The following NTM variants were observed in gnomAD, a reference collection of about 807,000 sequenced individuals.
The protein encoded by NTM is IgLON family member 2.
A neutral mutation model predicts 42.1 loss-of-function variants in NTM; 13 were observed. That is an observed-to-expected ratio of 0.31 (90% CI 0.20 to 0.49). The LOEUF (loss-of-function observed/expected upper bound fraction) is 0.49. NTM is among the 20% of genes least tolerant of loss of function. The pLI, the probability that NTM is intolerant of heterozygous loss-of-function variation, is 0.99. For missense variants in NTM, 373 were observed against 452.8 expected, an observed-to-expected ratio of 0.82 and a Z score of 1.60; for synonymous variants, 187 against 179.2, an observed-to-expected ratio of 1.04 and a Z score of -0.35.
intron 2 of NTM, among the ~76,000 whole-genome samples, chr11:132,040,599 C>T (rs1453848716): frequency 1.3e-5 from 2 of 152,222 alleles, no homozygotes; most frequent in African/African-American, 4.8e-5. Context: ...CCAGGTCCCC[C>T]TGTGATCCTT....
intron 4 of NTM, among the ~76,000 whole-genome samples, chr11:132,288,539 G>A (rs2094335809): frequency 6.6e-6 from 1 of 152,192 alleles, no homozygotes; most frequent in Non-Finnish European, 1.5e-5. Context: ...ATACACAATA[G>A]TTTCACCCCA....
intron 2 of NTM, among the ~76,000 whole-genome samples, chr11:132,044,013 TGTATATA>T (rs2077562507): frequency 6.6e-6 from 1 of 151,490 alleles, no homozygotes; most frequent in African/African-American, 2.4e-5. Context: ...TGTATGTGTG[TGTATATA>T]TGTGTGTATG....
intron 1 of NTM, among the ~76,000 whole-genome samples, chr11:131,695,523 C>T (rs1030559007): frequency 2.0e-5 from 3 of 152,190 alleles, no homozygotes; most frequent in African/African-American, 2.4e-5. Context: ...ATGAGGTTGT[C>T]GGGTTTTGAT....
intron 1 of NTM, chr11:131,605,859 T>C: frequency 1.0e-6 from 1 of 984,004 alleles, no homozygotes; most frequent in Non-Finnish European, 1.2e-6. Context: ...TTGGACTATC[T>C]CACCTGAGGC....
chr11:131,974,356 T>C (rs1016060433), intron 2 of NTM, among the ~76,000 whole-genome samples: 8 of 152,240 alleles, frequency 5.3e-5, no homozygotes, highest in South Asian at 4.1e-4. Flanking sequence ...CCAAAATGCA[T>C]TTAGGCTAGC....
chr11:131,995,652 A>G (rs539170465), intron 2 of NTM, among the ~76,000 whole-genome samples: 1 of 152,230 alleles, frequency 6.6e-6, no homozygotes, highest in East Asian at 1.9e-4. Context: ...TGGCTTGGGC[A>G]TGTTACTGAA....
At chr11:131,464,326 C>G (rs1951684429) in intron 1 of NTM, among the ~76,000 whole-genome samples, 1 of 151,782 alleles carries the variant, frequency 6.6e-6, no homozygotes, top group African/African-American at 2.4e-5. Context: ...CCTGGCCCCA[C>G]CCTCACTACA....
At chr11:132,094,848 T>G (rs2060775217) in intron 2 of NTM, among the ~76,000 whole-genome samples, 1 of 152,198 alleles carries the variant, frequency 6.6e-6, no homozygotes, top group Non-Finnish European at 1.5e-5. Context: ...TGTGTGTGTG[T>G]GTGCACTGCC....
In NTM at chr11:132,146,861, A is replaced by G; in HGVS notation, c.400+347A>G. The stretch of plus-strand genomic sequence containing the variant: ...TGTTTTGTTTTTTAGATTTCATCCA[A>G]TTCCAAGACTGTGTTATGTTTAAAA... On this transcript the variant is annotated intron_variant, in intron 3 of 8. Coordinates refer to ENST00000683400, the MANE Select transcript of NTM (RefSeq NM_001352005.2). The surrounding 1 kb of genome is among the most constrained non-coding windows in gnomAD (Gnocchi z 4.5). 1 of 295,406 alleles carries G rather than the reference A, an allele frequency of 3.4e-6. No individual in the cohort carries two copies. The allele number at this position is 295,406 out of a possible 1,614,324, so 18.3% of individuals were successfully genotyped here. A position where few individuals can be genotyped will look rare whatever the true frequency, so the allele number is the denominator to read the frequency against.
At chr11:131,882,537 C>T (rs184950055) in intron 1 of NTM, among the ~76,000 whole-genome samples, 11 of 152,300 alleles carry the variant, frequency 7.2e-5, no homozygotes, top group East Asian at 5.8e-4. Flanking sequence ...TATGTGGACA[C>T]ATAAAATTAA....
chr11:131,992,264 TTTA>T (rs1452708968), intron 2 of NTM, among the ~76,000 whole-genome samples: 2 of 152,206 alleles, frequency 1.3e-5, no homozygotes, highest in African/African-American at 4.8e-5. Context: ...CATTTTCTCG[TTTA>T]TTACTTTATT....
chr11:131,681,816 C>T (rs955853954), intron 1 of NTM, among the ~76,000 whole-genome samples: 1 of 132,970 alleles, frequency 7.5e-6, no homozygotes, highest in African/African-American at 3.0e-5. Flanking sequence ...TGTGTGTGAG[C>T]GTGTGTGTTT....
intron 1 of NTM, chr11:131,537,063 A>G (rs370825): frequency 0.69 from 104,814 of 151,848 alleles, 38,890 homozygotes; most frequent in Non-Finnish European, 0.83. Flanking sequence ...AAAGCTCAGT[A>G]TGAATACCTC....
intron 1 of NTM, among the ~76,000 whole-genome samples, chr11:131,492,251 T>A (rs978390601): frequency 6.6e-6 from 1 of 152,226 alleles, no homozygotes; most frequent in African/African-American, 2.4e-5. Context: ...ACTGTTACTC[T>A]CATTTTGTGA....
At chr11:131,700,918 G>A (rs1025251318) in intron 1 of NTM, among the ~76,000 whole-genome samples, 1 of 152,220 alleles carries the variant, frequency 6.6e-6, no homozygotes, top group Admixed American at 6.5e-5. Flanking sequence ...TCTGGAGTCA[G>A]ACAGCTTAGA....
At chr11:132,098,807 C>T (rs543049596) in intron 2 of NTM, among the ~76,000 whole-genome samples, 84 of 152,374 alleles carry the variant, frequency 5.5e-4, no homozygotes, top group African/African-American at 2.0e-3. Flanking sequence ...ACCTGGACTT[C>T]AGCCTCACAT....
At chr11:131,794,478 G>A (rs572919012) in intron 1 of NTM, 104 of 985,216 alleles carry the variant, frequency 1.1e-4, no homozygotes, top group Non-Finnish European at 1.2e-4. Context: ...CCCACCCGCC[G>A]TTTACTACTT....
At chr11:131,814,404 G>A (rs1296776040) in intron 1 of NTM, among the ~76,000 whole-genome samples, 1 of 152,146 alleles carries the variant, frequency 6.6e-6, no homozygotes, top group East Asian at 1.9e-4. Flanking sequence ...GTCCTTTGCC[G>A]AACCAGATTG....
At chr11:131,769,610 C>G in intron 1 of NTM, 1 of 980,594 alleles carries the variant, frequency 1.0e-6, no homozygotes, top group Non-Finnish European at 1.2e-6. Flanking sequence ...CCTGCATGAG[C>G]TCCACACAAT....
Sources: allele counts gnomAD v4.1 joint callset (sites outside exome capture counted in the v4.1 genomes callset), GRCh38; gene constraint gnomAD v4.1.1; non-coding constraint Gnocchi (gnomAD v3.1); transcripts MANE v1.5; gene names NCBI Gene and HGNC (gene_info 2026-07-23, HGNC 2026-07-21).